Variants in GRIN2A observed in about 807,000 individuals in gnomAD.
GRIN2A encodes the protein glutamate ionotropic receptor NMDA type subunit 2A.
A neutral mutation model predicts 113.4 loss-of-function variants in GRIN2A; 22 were observed. The observed-to-expected ratio is 0.19, with a 90% CI of 0.14 to 0.28. The LOEUF (loss-of-function observed/expected upper bound fraction) is 0.28, where lower values mean the gene tolerates loss of function less well. Ranked by LOEUF, GRIN2A falls within the 10% of genes least tolerant of loss-of-function variation. The pLI is 1.00. For synonymous variants in GRIN2A, 827 were observed against 738.4 expected (o/e 1.12, Z -1.94); for missense variants, 1,502 against 1,887.0 (o/e 0.80, Z 3.78).
chr16:10,138,751 A>G (rs1267790973), intron 2 of GRIN2A, among the ~76,000 whole-genome samples: 2 of 152,220 alleles, frequency 1.3e-5, no homozygotes, highest in African/African-American at 4.8e-5. Flanking sequence ...GGATTAAATG[A>G]GATATTTAAA....
chr16:9,985,378 G>A (rs1399621396), intron 2 of GRIN2A, among the ~76,000 whole-genome samples: 1 of 152,150 alleles, frequency 6.6e-6, no homozygotes, highest in African/African-American at 2.4e-5. Context: ...AAATATCAAG[G>A]AGACATCTGC....
chr16:10,160,512 G>A (rs1479303862), intron 2 of GRIN2A, among the ~76,000 whole-genome samples: 6 of 152,168 alleles, frequency 3.9e-5, no homozygotes, highest in Admixed American at 3.9e-4. Context: ...GTAGGATTTT[G>A]GTAACAAGAA....
chr16:9,886,323 G>A (rs569496721), intron 4 of GRIN2A, among the ~76,000 whole-genome samples: 1 of 152,272 alleles, frequency 6.6e-6, no homozygotes, highest in East Asian at 1.9e-4. Flanking sequence ...ATCAGGATTT[G>A]AAAGATGGAT....
chr16:9,988,463 C>G (rs1247158630), intron 2 of GRIN2A, among the ~76,000 whole-genome samples: 1 of 152,102 alleles, frequency 6.6e-6, no homozygotes, highest in East Asian at 1.9e-4. Context: ...AGAAACCTTC[C>G]TCCAGCTCCC....
intron 2 of GRIN2A, among the ~76,000 whole-genome samples, chr16:10,093,411 G>C (rs1325754197): frequency 6.6e-6 from 1 of 152,148 alleles, no homozygotes; most frequent in African/African-American, 2.4e-5. Context: ...ACTAGGTTCA[G>C]CCCTGACTTG....
intron 2 of GRIN2A, among the ~76,000 whole-genome samples, chr16:10,094,883 C>CAA (rs58041208): frequency 0.43 from 49,303 of 113,942 alleles, 11,621 homozygotes; most frequent in Admixed American, 0.55. Flanking sequence ...GAATGTGCAC[C>CAA]AAAAAAAAAA....
At chr16:9,928,091 C>T (rs1425273766) in intron 3 of GRIN2A, among the ~76,000 whole-genome samples, 1 of 152,214 alleles carries the variant, frequency 6.6e-6, no homozygotes, top group East Asian at 1.9e-4. Flanking sequence ...CAGCTAGCAC[C>T]ATCACGCTGG....
chr16:9,920,347 GC>G (rs2044335518), intron 3 of GRIN2A, among the ~76,000 whole-genome samples: 1 of 152,150 alleles, frequency 6.6e-6, no homozygotes, highest in Admixed American at 6.5e-5. Flanking sequence ...GTTTTGTTTT[GC>G]TTTCACCTCA....
At chr16:9,854,894 C>G (rs2042941988) in intron 4 of GRIN2A, among the ~76,000 whole-genome samples, 1 of 152,140 alleles carries the variant, frequency 6.6e-6, no homozygotes, top group African/African-American at 2.4e-5. Flanking sequence ...CCTTGTCAAT[C>G]ACATGCTATT....
chr16:10,113,500 C>T (rs1309150235), intron 2 of GRIN2A, among the ~76,000 whole-genome samples: 1 of 152,226 alleles, frequency 6.6e-6, no homozygotes, highest in African/African-American at 2.4e-5. Context: ...ACCATTCCTG[C>T]CCTCTCCTCA....
chr16:10,095,921 T>C (rs2048281660), intron 2 of GRIN2A, among the ~76,000 whole-genome samples: 1 of 152,218 alleles, frequency 6.6e-6, no homozygotes, highest in Admixed American at 6.5e-5. Context: ...CTGGTGAATC[T>C]GAATAAAGAG....
intron 4 of GRIN2A, among the ~76,000 whole-genome samples, chr16:9,866,058 C>A (rs1352679115): frequency 6.6e-6 from 1 of 152,138 alleles, no homozygotes; most frequent in African/African-American, 2.4e-5. Context: ...ACTAGCCAGC[C>A]CTTTACATAA....
At chr16:9,862,602 C>A (rs1313040377) in intron 4 of GRIN2A, among the ~76,000 whole-genome samples, 2 of 152,176 alleles carry the variant, frequency 1.3e-5, no homozygotes, top group Non-Finnish European at 2.9e-5. Flanking sequence ...ATCTTCAGTC[C>A]TCCAGAGTTC....
intron 2 of GRIN2A, among the ~76,000 whole-genome samples, chr16:9,982,033 C>T (rs909593277): frequency 6.6e-6 from 1 of 152,164 alleles, no homozygotes; most frequent in Non-Finnish European, 1.5e-5. Context: ...AGTGATCTGC[C>T]CACCTCAGCC....
chr16:9,901,258 T>A (rs2043916706), intron 3 of GRIN2A, among the ~76,000 whole-genome samples: 1 of 152,168 alleles, frequency 6.6e-6, no homozygotes, highest in Non-Finnish European at 1.5e-5. Context: ...TTTTTCCTTT[T>A]GATGATGAGC....
At chr16:10,016,249 G>T (rs1159110345) in intron 2 of GRIN2A, among the ~76,000 whole-genome samples, 3 of 152,112 alleles carry the variant, frequency 2.0e-5, no homozygotes, top group South Asian at 4.1e-4. Context: ...GGACAGTCAG[G>T]AAAGACACTT....
At chr16:9,797,434 T>C (rs1903067068) in intron 11 of GRIN2A, among the ~76,000 whole-genome samples, 1 of 152,198 alleles carries the variant, frequency 6.6e-6, no homozygotes, top group Admixed American at 6.5e-5. Context: ...TCACCAGCTA[T>C]GAAGTAGAAA....
At chr16:9,925,385 T>C (rs1471948550) in intron 3 of GRIN2A, among the ~76,000 whole-genome samples, 1 of 152,242 alleles carries the variant, frequency 6.6e-6, no homozygotes, top group Non-Finnish European at 1.5e-5. Context: ...CTTCTTTCTT[T>C]GGCTTTAGGT....
rs2141325632 is a variant in GRIN2A, at chr16:9,834,205, C to T, written c.1677G>A (p.Val559=). 1.2e-6 allele frequency: 2 copies of T among 1,613,856 alleles called. No individual in the cohort carries two copies. The highest frequency in any genetic ancestry group is 2.2e-5 in the East Asian group (1 of 44,848). Residue 559 remains valine, a synonymous_variant, in exon 8 of 13, where the codon GTG becomes GTA. Coordinates refer to ENST00000330684, the MANE Select transcript of GRIN2A (RefSeq NM_001134407.3). ...CAATGAGCAGCATCACAAACATCAT[C>T]ACCCAGACAGAGGCGCTGAATGGTT... is the stretch of plus-strand genomic sequence containing the variant. ...FLEPFSASVW[V]MMFVMLLIVS...
Sources: allele counts gnomAD v4.1 joint callset (sites outside exome capture counted in the v4.1 genomes callset), GRCh38; gene constraint gnomAD v4.1.1; transcripts MANE v1.5; gene names NCBI Gene and HGNC (gene_info 2026-07-23, HGNC 2026-07-21).